Variants in ANGPTL2 observed in about 807,000 individuals in gnomAD.
ANGPTL2 encodes the protein angiopoietin-related protein 2.
In ANGPTL2, 25 loss-of-function variants were observed where a neutral mutation model predicts 52.8. The observed-to-expected ratio is 0.47, with a 90% CI of 0.35 to 0.66. The LOEUF is 0.66. Ranked by LOEUF, ANGPTL2 falls within the 30% of genes least tolerant of loss-of-function variation. The pLI, the probability that ANGPTL2 is intolerant of heterozygous loss-of-function variation, is 0.01. For synonymous variants in ANGPTL2, 276 were observed against 277.4 expected, an observed-to-expected ratio of 1.00 and a Z score of 0.05; for missense variants, 546 against 656.9, an observed-to-expected ratio of 0.83 and a Z score of 1.84.
Position 127,114,441 on chromosome 9 carries a change from C to T in ANGPTL2, c.-49-5661G>A, listed in dbSNP as rs532741375. 3.3e-5 allele frequency among the ~76,000 whole-genome samples: 5 copies of T among 152,292 alleles called. No homozygotes were observed. The East Asian group carries it at 9.6e-4, about 29-fold the overall frequency. On this transcript the variant is annotated intron_variant, in intron 1 of 4. Transcript: ENST00000373425. ...CTGTGAATAAAGAGAAACCAAAGTG[C>T]CAAAGTGACTGGAAACCCAAAAGAG...
intron 1 of ANGPTL2, among the ~76,000 whole-genome samples, chr9:127,110,273 C>T (rs1013714350): frequency 6.6e-6 from 1 of 152,180 alleles, no homozygotes; most frequent in Non-Finnish European, 1.5e-5. Context: ...TCTTGATCCT[C>T]ATTAATATTT....
At position 127,093,915 on chromosome 9, in the gene ANGPTL2, C is replaced by T. The variant is rs1267315456; in HGVS notation, c.829G>A (p.Asp277Asn). Residue 277 changes from aspartate to asparagine, a missense_variant, in exon 3 of 5, where the codon GAC (aspartate) becomes AAC (asparagine). Around this residue, in one of 2 missense-constraint regions of ANGPTL2, gnomAD observed 261 missense variants for 361.0 expected, o/e 0.72. Transcript: ENST00000373425. ...STDKPSGPWRDCLQALEDGHD... is the reference protein window; with the variant it reads ...STDKPSGPWRNCLQALEDGHD... Reference sequence around the variant, plus strand: ...CCATCCTCCAGGGCCTGCAGGCAGTCTCTCCATGGGCCTGGGGACACAGAC... The same window carrying T: ...CCATCCTCCAGGGCCTGCAGGCAGTTTCTCCATGGGCCTGGGGACACAGAC... 1.2e-6 allele frequency: 2 copies of T among 1,613,770 alleles called. No individual in the cohort carries two copies.
chr9:127,103,439 T>G (rs1177572466), intron 2 of ANGPTL2, among the ~76,000 whole-genome samples: 2 of 152,208 alleles, frequency 1.3e-5, no homozygotes, highest in Admixed American at 1.3e-4. Flanking sequence ...GGGCTAACAT[T>G]TAAAGAAATC....
chr9:127,106,381 T>C lies in ANGPTL2; in HGVS notation c.817+1534A>G, dbSNP rs76888482. The stretch of plus-strand genomic sequence containing the variant: ...CGCCAGAGCTAAAAAAGGGACTGTT[T>C]ATTTCAGTCTCCTTGTTTTAAGATG... On this transcript the variant is annotated intron_variant, in intron 2 of 4. Coordinates refer to ENST00000373425, the MANE Select transcript of ANGPTL2 (RefSeq NM_012098.3). Among the ~76,000 whole-genome samples the C allele has an allele frequency of 5.4e-3, 823 of 152,338 alleles. 25 individuals are homozygous for C. The East Asian group carries it at 0.085, about 16-fold the overall frequency.
rs561384365 is a variant in ANGPTL2, at chr9:127,122,092, C to G, written c.-50+223G>C. Among the ~76,000 whole-genome samples the G allele has an allele frequency of 1.8e-4, 28 of 152,322 alleles. No homozygotes were observed. The highest frequency in any genetic ancestry group is 4.1e-4 in the South Asian group (2 of 4,830). On this transcript the variant is annotated intron_variant, in intron 1 of 4. Coordinates refer to ENST00000373425, the MANE Select transcript of ANGPTL2 (RefSeq NM_012098.3). This position sits in a 1 kb window ranked among gnomAD's most constrained non-coding sequence, Gnocchi z 6.4. Reference sequence around the variant, plus strand: ...GAGTGAGGCTTACTCATGAAGTCCTCGAGATGCCAGCCCATGATCATGTGC... The same window carrying G: ...GAGTGAGGCTTACTCATGAAGTCCTGGAGATGCCAGCCCATGATCATGTGC...
chr9:127,116,397 A>G (rs1023960072), intron 1 of ANGPTL2, among the ~76,000 whole-genome samples: 2 of 152,174 alleles, frequency 1.3e-5, no homozygotes, highest in African/African-American at 2.4e-5. Flanking sequence ...ACTTTTTCAC[A>G]GTGCGTTATT....
At chr9:127,107,850 C>T (rs946602526) in intron 2 of ANGPTL2, 65 bp downstream of exon 2, 75 of 1,466,764 alleles carry the variant, frequency 5.1e-5, no homozygotes, top group Non-Finnish European at 6.5e-5. Flanking sequence ...TTTGTGGACA[C>T]AGCCAAGGGA....
At chr9:127,106,519 C>T (rs1024891505) in intron 2 of ANGPTL2, among the ~76,000 whole-genome samples, 2 of 152,150 alleles carry the variant, frequency 1.3e-5, no homozygotes, top group South Asian at 2.1e-4. Context: ...TTAATCTATC[C>T]TCAATTAACA....
chr9:127,088,249 G>GT lies in ANGPTL2; in HGVS notation c.*689dup, dbSNP rs1455064511. 2.0e-5 allele frequency: 3 copies of GT among 152,254 alleles called. No homozygotes were observed. The highest frequency in any genetic ancestry group is 4.4e-5 in the Non-Finnish European group (3 of 68,076). The allele number at this position is 152,254 out of a possible 1,614,324, so 9.4% of individuals were successfully genotyped here. A position where few individuals can be genotyped will look rare whatever the true frequency, so the allele number is the denominator to read the frequency against. On this transcript the variant is annotated 3_prime_UTR_variant, in exon 5 of 5. Coordinates refer to ENST00000373425, the MANE Select transcript of ANGPTL2 (RefSeq NM_012098.3). The stretch of plus-strand genomic sequence containing the variant: ...TGAGAATGGGGAAAAGTATGAAAAT[G>GT]TGGGGGGAGGGATTTTGAAATTTGA...
chr9:127,100,269 G>T (rs1303056559), intron 2 of ANGPTL2, among the ~76,000 whole-genome samples: 1 of 152,172 alleles, frequency 6.6e-6, no homozygotes, highest in Non-Finnish European at 1.5e-5. Flanking sequence ...TCTATTAAAT[G>T]TGTGAGGTAG....
intron 2 of ANGPTL2, among the ~76,000 whole-genome samples, chr9:127,097,194 G>A (rs953161790): frequency 1.3e-5 from 2 of 152,100 alleles, no homozygotes; most frequent in African/African-American, 2.4e-5. Context: ...TTTTTCTTCC[G>A]TATTTACCTT....
chr9:127,118,689 G>A (rs1368440045), intron 1 of ANGPTL2, among the ~76,000 whole-genome samples: 5 of 152,340 alleles, frequency 3.3e-5, no homozygotes. Context: ...TCACACAGTT[G>A]TGTGTTTGTG....
At position 127,093,894 on chromosome 9, in the gene ANGPTL2, C is replaced by T. The variant is rs2052793124; in HGVS notation, c.850G>A (p.Asp284Asn). Residue 284 changes from aspartate to asparagine, a missense_variant, in exon 3 of 5, where the codon GAT (aspartate) becomes AAT (asparagine). Transcript: ENST00000373425. ...PWRDCLQALEDGHDTSSIYLV... is the reference protein window; with the variant it reads ...PWRDCLQALENGHDTSSIYLV... ...TAGATGGAGCTGGTGTCGTGGCCAT[C>T]CTCCAGGGCCTGCAGGCAGTCTCTC... is the stretch of plus-strand genomic sequence containing the variant. The T allele has an allele frequency of 1.2e-6, 2 of 1,614,036 alleles. No homozygotes were observed. Among genetic ancestry groups the T allele is most frequent in the East Asian group, 2.2e-5 (1 of 44,854 alleles).
intron 2 of ANGPTL2, 119 bp from the exon 3 acceptor site, chr9:127,094,045 G>C: frequency 8.7e-7 from 1 of 1,152,132 alleles, no homozygotes. Flanking sequence ...ACAGGCCCAC[G>C]GTCTGAGGTA....
chr9:127,102,113 T>A (rs1397141037), intron 2 of ANGPTL2, among the ~76,000 whole-genome samples: 2 of 152,208 alleles, frequency 1.3e-5, no homozygotes. Context: ...AGGTCTCTGC[T>A]GCCTGCATCC....
rs752999460 is a variant in ANGPTL2, at chr9:127,091,772, T to C, written c.1180A>G (p.Lys394Glu). ...CCATGGTAGCGCCCCAGCCGCAGCT[T>C]ATAATACTCGCTCTCAGGTTCCAGG... Reference protein sequence around the residue: ...FRLEPESEYYKLRLGRYHGNA... With the variant: ...FRLEPESEYYELRLGRYHGNA... The change falls in exon 4 of 5, where the codon AAG becomes GAG. Residue 394 changes from lysine (K) to glutamate (E), a missense_variant. Physicochemically the swap from Lys to Glu is moderately conservative, Grantham distance 56 (BLOSUM62 1). This residue lies in a region of ANGPTL2 where 261 missense variants were observed against 361.0 expected (regional missense o/e 0.72). Transcript: ENST00000373425. The surrounding 1 kb of genome is among the most constrained non-coding windows in gnomAD (Gnocchi z 4.3). 5.0e-6 allele frequency: 8 copies of C among 1,614,064 alleles called. No homozygotes were observed. The highest frequency in any genetic ancestry group is 5.9e-6 in the Non-Finnish European group (7 of 1,180,040).
At chr9:127,102,062 C>T (rs995194884) in intron 2 of ANGPTL2, among the ~76,000 whole-genome samples, 10 of 151,988 alleles carry the variant, frequency 6.6e-5, no homozygotes, top group Non-Finnish European at 8.8e-5. Flanking sequence ...AGTGGTGATG[C>T]GGGGATAGTA....
In ANGPTL2 at chr9:127,115,436, C is replaced by T. The variant is rs147127350; in HGVS notation, c.-49-6656G>A. Among the ~76,000 whole-genome samples, 7 of 152,308 alleles carry T rather than the reference C, an allele frequency of 4.6e-5. No homozygotes were observed. In the East Asian group the frequency reaches 9.6e-4, roughly 21 times the overall value. ...AGTTATTAATAGCACCCCCTTTTCA[C>T]TCTCAATATTGTCCTGACTGAGCAA... On this transcript the variant is annotated intron_variant, in intron 1 of 4. Transcript: ENST00000373425.
chr9:127,109,851 TC>T (rs1478920788), intron 1 of ANGPTL2, among the ~76,000 whole-genome samples: 2 of 152,120 alleles, frequency 1.3e-5, no homozygotes, highest in Non-Finnish European at 2.9e-5. Flanking sequence ...CAGGAATGCT[TC>T]CCTGAGAAAG....
Sources: gnomAD v4.1 joint callset for allele counts (sites outside exome capture counted in the v4.1 genomes callset) on GRCh38, gnomAD v4.1.1 for gene constraint, gnomAD v4.1.1 regional missense constraint, Gnocchi (gnomAD v3.1) non-coding constraint, MANE v1.5 for transcripts, NCBI Gene and HGNC (gene_info 2026-07-23, HGNC 2026-07-21) for gene names.